HS3ST3A1: variants seen among roughly 807,000 people sequenced by gnomAD.
HS3ST3A1 encodes heparan sulfate-glucosamine 3-sulfotransferase 3A1.
Under a neutral mutation model 25.7 loss-of-function variants are expected in HS3ST3A1, and 19 were observed. The observed-to-expected ratio is 0.74, with a 90% CI of 0.52 to 1.08. The LOEUF (loss-of-function observed/expected upper bound fraction) is 1.08, where lower values mean the gene tolerates loss of function less well. Ranked by LOEUF, HS3ST3A1 falls within the 50% of genes least tolerant of loss-of-function variation. The pLI is 0.00. For synonymous variants in HS3ST3A1, 226 were observed against 278.6 expected (o/e 0.81, Z 1.88); for missense variants, 459 against 594.3 (o/e 0.77, Z 2.37).
At chr17:13,512,404 G>A (rs1046573141) in intron 1 of HS3ST3A1, among the ~76,000 whole-genome samples, 2 of 151,914 alleles carry the variant, frequency 1.3e-5, no homozygotes, top group Non-Finnish European at 2.9e-5. Flanking sequence ...TTGTTGCCAA[G>A]GGCTGAGGGG....
chr17:13,568,051 T>C (rs1907718729), intron 1 of HS3ST3A1, among the ~76,000 whole-genome samples: 1 of 152,164 alleles, frequency 6.6e-6, no homozygotes, highest in African/African-American at 2.4e-5. Context: ...GAGGCAAATT[T>C]CATTTTTGCC....
In HS3ST3A1 at chr17:13,600,511, C is replaced by T. The variant is rs756593603; in HGVS notation, c.599+20G>A. 1 of 1,572,936 alleles carries T rather than the reference C, an allele frequency of 6.4e-7. No homozygotes were observed. Among genetic ancestry groups the T allele is most frequent in the Admixed American group, 1.8e-5 (1 of 56,716 alleles). On this transcript the variant is annotated intron_variant, in intron 1 of 1. Transcript: ENST00000284110. ...GGACCCCCGGATCCTTCAGCCCCAGCCCGGGCCCGCCCCGCTCACCGGTAC... is the reference window on the plus strand; with the variant it reads ...GGACCCCCGGATCCTTCAGCCCCAGTCCGGGCCCGCCCCGCTCACCGGTAC...
chr17:13,504,772 G>GT (rs1295112027), intron 1 of HS3ST3A1, among the ~76,000 whole-genome samples: 1 of 152,144 alleles, frequency 6.6e-6, no homozygotes, highest in Non-Finnish European at 1.5e-5. Flanking sequence ...GATCACAAAG[G>GT]TAAAGGAGTG....
intron 1 of HS3ST3A1, among the ~76,000 whole-genome samples, chr17:13,591,088 C>A (rs182464351): frequency 3.4e-5 from 5 of 149,098 alleles, no homozygotes; most frequent in Admixed American, 2.0e-4. Context: ...ACTCTGTCAG[C>A]CAGACTGGAG....
chr17:13,571,939 T>C (rs1011697934), intron 1 of HS3ST3A1, among the ~76,000 whole-genome samples: 1 of 152,110 alleles, frequency 6.6e-6, no homozygotes, highest in Non-Finnish European at 1.5e-5. Flanking sequence ...TTTGTATTTT[T>C]AGTACAGACG....
intron 1 of HS3ST3A1, among the ~76,000 whole-genome samples, chr17:13,579,056 T>C (rs1339229977): frequency 1.3e-5 from 2 of 152,174 alleles, no homozygotes; most frequent in Non-Finnish European, 2.9e-5. Flanking sequence ...TGTGTATCTT[T>C]TCAAAAAAGA....
chr17:13,500,236 T>C (rs1310608084), intron 1 of HS3ST3A1, among the ~76,000 whole-genome samples: 3 of 152,222 alleles, frequency 2.0e-5, no homozygotes, highest in Admixed American at 6.5e-5. Context: ...ATTGTTCTTC[T>C]TTACCTGAGT....
At chr17:13,563,080 T>A (rs1907589429) in intron 1 of HS3ST3A1, among the ~76,000 whole-genome samples, 1 of 151,104 alleles carries the variant, frequency 6.6e-6, no homozygotes, top group African/African-American at 2.4e-5. Flanking sequence ...ATACCTGTTA[T>A]CTTGTATGCT....
At chr17:13,501,444 A>C (rs1567608057) in intron 1 of HS3ST3A1, among the ~76,000 whole-genome samples, 1 of 148,706 alleles carries the variant, frequency 6.7e-6, no homozygotes, top group Non-Finnish European at 1.5e-5. Flanking sequence ...TTAGTTAGAC[A>C]AAAGAGTCTT....
intron 1 of HS3ST3A1, among the ~76,000 whole-genome samples, chr17:13,536,820 C>T (rs1906783981): frequency 6.6e-6 from 1 of 152,178 alleles, no homozygotes; most frequent in South Asian, 2.1e-4. Flanking sequence ...AATGCACTGA[C>T]ACTGCAGTCT....
At chr17:13,570,949 G>A (rs371202702) in intron 1 of HS3ST3A1, among the ~76,000 whole-genome samples, 3 of 152,252 alleles carry the variant, frequency 2.0e-5, no homozygotes, top group Admixed American at 6.5e-5. Flanking sequence ...AAACTGAGAC[G>A]CAGGCATTTG....
chr17:13,514,377 G>A (rs980495518), intron 1 of HS3ST3A1, among the ~76,000 whole-genome samples: 13 of 151,828 alleles, frequency 8.6e-5, no homozygotes, highest in African/African-American at 2.9e-4. Context: ...TCTTTGACTT[G>A]TATTTTATTT....
chr17:13,546,448 A>G (rs111318936), intron 1 of HS3ST3A1, among the ~76,000 whole-genome samples: 7,607 of 152,136 alleles, frequency 0.05, 252 homozygotes, highest in African/African-American at 0.097. Context: ...TTGTATTTTT[A>G]GTAGAGACAG....
chr17:13,543,343 C>T (rs766144668), intron 1 of HS3ST3A1, among the ~76,000 whole-genome samples: 1 of 152,006 alleles, frequency 6.6e-6, no homozygotes. Context: ...GAATAAGACA[C>T]CCAGATGATG....
At chr17:13,520,704 T>C (rs993463129) in intron 1 of HS3ST3A1, among the ~76,000 whole-genome samples, 26 of 151,818 alleles carry the variant, frequency 1.7e-4, no homozygotes, top group African/African-American at 5.6e-4. Context: ...AACCTCCACC[T>C]CCTGGGTTCA....
At chr17:13,501,013 A>T (rs562644923) in intron 1 of HS3ST3A1, among the ~76,000 whole-genome samples, 9 of 152,346 alleles carry the variant, frequency 5.9e-5, no homozygotes, top group African/African-American at 2.2e-4. Flanking sequence ...AGTGACAAAA[A>T]GACAAATACT....
At chr17:13,548,676 G>A (rs1907155950) in intron 1 of HS3ST3A1, among the ~76,000 whole-genome samples, 1 of 152,176 alleles carries the variant, frequency 6.6e-6, no homozygotes, top group Non-Finnish European at 1.5e-5. Flanking sequence ...CTAGCTAAAG[G>A]ATTGTAAACA....
In HS3ST3A1 at chr17:13,529,938, G is replaced by A. The variant is rs574168987; in HGVS notation, c.600-33120C>T. ...TAAGAATTTGTAACAGATGTTTAAG[G>A]AAAAAAAATGAGTTCTAGTGCTACA... On this transcript the variant is annotated intron_variant, in intron 1 of 1. Coordinates refer to ENST00000284110, the MANE Select transcript of HS3ST3A1 (RefSeq NM_006042.3). 1.4e-3 allele frequency among the ~76,000 whole-genome samples: 208 copies of A among 150,354 alleles called. 1 individual carries two copies. The highest frequency in any genetic ancestry group is 4.8e-3 in the African/African-American group (196 of 40,900).
At position 13,512,305 on chromosome 17, in the gene HS3ST3A1, CA is replaced by C. The variant is rs67523378; in HGVS notation, c.600-15488del. The stretch of plus-strand genomic sequence containing the variant: ...TGGGCGACAGAGCGAGACTCCGTCT[CA>C]AAAAAAAAAAAAAAAAAAAAACTGC... On this transcript the variant is annotated intron_variant, in intron 1 of 1. Transcript: ENST00000284110. 7.7e-3 allele frequency among the ~76,000 whole-genome samples: 633 copies of C among 82,008 alleles called. 4 individuals are homozygous for C. Among genetic ancestry groups the C allele is most frequent in the South Asian group, 9.7e-3 (24 of 2,482 alleles). 53.8% of individuals were successfully genotyped at this position (82,008 alleles called of 152,430 possible).
Sources: allele counts gnomAD v4.1 joint callset (sites outside exome capture counted in the v4.1 genomes callset), GRCh38; gene constraint gnomAD v4.1.1; transcripts MANE v1.5; gene names NCBI Gene and HGNC (gene_info 2026-07-23, HGNC 2026-07-21).